Variants in RABGAP1 observed in about 807,000 individuals in gnomAD.
The protein encoded by RABGAP1 is RAB GTPase activating protein 1.
A neutral mutation model predicts 137.6 loss-of-function variants in RABGAP1; 23 were observed. The ratio of observed to expected loss-of-function variants is 0.17; its 90% CI spans 0.12 to 0.24. The LOEUF (loss-of-function observed/expected upper bound fraction) is 0.24, where lower values mean the gene tolerates loss of function less well. Ranked by LOEUF, RABGAP1 falls within the 10% of genes least tolerant of loss-of-function variation. The probability of loss-of-function intolerance (pLI) is 1.00; values close to 1 mark genes in which losing one functional copy is unlikely to be tolerated. For synonymous variants in RABGAP1, 451 were observed against 450.7 expected, an observed-to-expected ratio of 1.00 and a Z score of -0.01; for missense variants, 906 against 1,275.8, an observed-to-expected ratio of 0.71 and a Z score of 4.42.
chr9:123,030,252 T>C (rs1306867152), intron 13 of RABGAP1, among the ~76,000 whole-genome samples: 1 of 152,204 alleles, frequency 6.6e-6, no homozygotes, highest in Non-Finnish European at 1.5e-5. Flanking sequence ...AATGTTGCTC[T>C]GATGGCATAA....
chr9:122,944,491 A>C (rs960135337), intron 1 of RABGAP1, among the ~76,000 whole-genome samples: 1 of 151,348 alleles, frequency 6.6e-6, no homozygotes, highest in African/African-American at 2.4e-5. Context: ...TGGCCTCCCA[A>C]CGTGACAACA....
intron 1 of RABGAP1, among the ~76,000 whole-genome samples, chr9:122,942,113 G>A (rs912490483): frequency 1.3e-5 from 2 of 152,160 alleles, no homozygotes; most frequent in African/African-American, 4.8e-5. Flanking sequence ...TGTGCCTGGA[G>A]TAGTAAGTAC....
At chr9:122,937,164 CAA>C (rs1833399051), upstream of RABGAP1, among the ~76,000 whole-genome samples, 1 of 152,178 alleles carries the variant, frequency 6.6e-6, no homozygotes, top group Admixed American at 6.5e-5. Flanking sequence ...AAAAAAATCA[CAA>C]GACATACAAA....
At position 123,034,669 on chromosome 9, in the gene RABGAP1, A is replaced by T. The variant is rs951696794; in HGVS notation, c.1794+14210A>T. On this transcript the variant is annotated intron_variant, in intron 13 of 25. Transcript: ENST00000373647. ...TTTTTGCCTTTTGGAAGTATTGATT[A>T]TTGTCTTTCTAACTGTATTGATTAT... 7 of 1,612,814 alleles carry T rather than the reference A, an allele frequency of 4.3e-6. No individual in the cohort carries two copies. In the African/African-American group the frequency reaches 9.3e-5, roughly 22 times the overall value.
intron 21 of RABGAP1, among the ~76,000 whole-genome samples, chr9:123,096,297 AATGAT>A (rs2035180760): frequency 6.6e-6 from 1 of 152,238 alleles, no homozygotes. Flanking sequence ...GACATTTCAT[AATGAT>A]AAAAGAGTCA....
At chr9:122,948,916 G>A (rs955310774) in intron 1 of RABGAP1, among the ~76,000 whole-genome samples, 13 of 152,150 alleles carry the variant, frequency 8.5e-5, no homozygotes, top group Non-Finnish European at 1.8e-4. Context: ...ATTGAACACT[G>A]CCCGTAAGTA....
At chr9:122,998,327 C>T (rs908976832) in intron 9 of RABGAP1, among the ~76,000 whole-genome samples, 1 of 152,034 alleles carries the variant, frequency 6.6e-6, no homozygotes, top group African/African-American at 2.4e-5. Context: ...CTCATGGGCT[C>T]AAGTGATCTG....
intron 1 of RABGAP1, among the ~76,000 whole-genome samples, chr9:122,948,114 A>T (rs1834039878): frequency 6.6e-6 from 1 of 151,846 alleles, no homozygotes; most frequent in Non-Finnish European, 1.5e-5. Flanking sequence ...GATTTTTTAT[A>T]GCTTCTTTGT....
At chr9:122,980,364 C>T (rs1156775272) in intron 2 of RABGAP1, among the ~76,000 whole-genome samples, 1 of 152,182 alleles carries the variant, frequency 6.6e-6, no homozygotes, top group Non-Finnish European at 1.5e-5. Context: ...TTCCCCACAG[C>T]CTCCTGAGTA....
At chr9:122,997,028 T>G (rs1410988540) in intron 8 of RABGAP1, 1 of 594,674 alleles carries the variant, frequency 1.7e-6, no homozygotes, top group Non-Finnish European at 3.1e-6. Context: ...AGGTTGTGGA[T>G]TTTCTTAATG....
intron 12 of RABGAP1, among the ~76,000 whole-genome samples, chr9:123,018,114 C>G (rs565889762): frequency 6.6e-6 from 1 of 152,292 alleles, no homozygotes; most frequent in African/African-American, 2.4e-5. Context: ...CCTGCCTCAG[C>G]CTCCTGAGTA....
rs538619429 is a variant in RABGAP1 at position 122,948,648 on chromosome 9, T to G, written c.-50+7555T>G. The stretch of plus-strand genomic sequence containing the variant: ...AAAGCTGTACCCATTTTTTCACTGG[T>G]TGAGCAACAAAAATGATGGGGATTG... On this transcript the variant is annotated intron_variant, in intron 1 of 25. Transcript: ENST00000373647. 5.3e-5 allele frequency among the ~76,000 whole-genome samples: 8 copies of G among 152,270 alleles called. No individual in the cohort carries two copies. The East Asian group carries it at 1.5e-3, about 29-fold the overall frequency.
intron 12 of RABGAP1, among the ~76,000 whole-genome samples, chr9:123,020,076 TA>T (rs1238541730): frequency 2.6e-5 from 4 of 151,956 alleles, no homozygotes; most frequent in Admixed American, 2.0e-4. Context: ...AGAAATAATT[TA>T]AAAATACTTA....
At chr9:122,986,508 A>G (rs1836377999) in intron 4 of RABGAP1, 89 bp downstream of exon 4, 2 of 1,306,814 alleles carry the variant, frequency 1.5e-6, no homozygotes, top group Non-Finnish European at 2.2e-6. Context: ...TAAAATACAT[A>G]TTAATAGTTA....
chr9:122,990,117 T>C lies in RABGAP1; in HGVS notation c.827T>C (p.Leu276Pro), dbSNP rs751636985. The change falls in exon 6 of 26, where the codon CTT becomes CCT. Residue 276 changes from leucine to proline, a missense_variant. This residue lies in a region of RABGAP1 where 331 missense variants were observed against 358.3 expected (regional missense o/e 0.92). Transcript: ENST00000373647. ...CGCCGTTCTGCCAAGCAGACCCCAC[T>C]TTCAGCCACTGCTGCACCCCAGACT... The part of the protein sequence containing the change: ...AFRRSAKQTP[L>P]SATAAPQTPD... 1.2e-6 allele frequency: 2 copies of C among 1,611,068 alleles called. No homozygotes were observed. Among genetic ancestry groups the C allele is most frequent in the Non-Finnish European group, 1.7e-6 (2 of 1,177,250 alleles).
intron 2 of RABGAP1, among the ~76,000 whole-genome samples, chr9:122,957,585 A>T (rs1168075892): frequency 2.0e-5 from 3 of 151,862 alleles, no homozygotes; most frequent in Non-Finnish European, 4.4e-5. Context: ...TTTTAGGATT[A>T]TTGAAACAAC....
intron 13 of RABGAP1, among the ~76,000 whole-genome samples, chr9:123,049,006 T>C (rs1015355759): frequency 6.6e-6 from 1 of 152,192 alleles, no homozygotes; most frequent in African/African-American, 2.4e-5. Flanking sequence ...GGGACTTAGA[T>C]TTATTTTTAG....
At chr9:123,076,601 A>G (rs373702757) in intron 18 of RABGAP1, 33 bp from the exon 19 acceptor site, 67 of 1,569,426 alleles carry the variant, frequency 4.3e-5, no homozygotes, top group African/African-American at 5.5e-5. Context: ...ATAGCAACAC[A>G]TTTTTTCTAT....
intron 24 of RABGAP1, among the ~76,000 whole-genome samples, chr9:123,101,023 T>C (rs1484056998): frequency 6.6e-6 from 1 of 152,218 alleles, no homozygotes; most frequent in African/African-American, 2.4e-5. Flanking sequence ...GAACATAAAA[T>C]GACATTTCTT....
Sources: allele counts gnomAD v4.1 joint callset (sites outside exome capture counted in the v4.1 genomes callset), GRCh38; gene constraint gnomAD v4.1.1; regional missense constraint gnomAD v4.1.1; transcripts MANE v1.5; gene names NCBI Gene and HGNC (gene_info 2026-07-23, HGNC 2026-07-21).